The following ITPK1 variants were observed in gnomAD, a reference collection of about 807,000 sequenced individuals.
The protein encoded by ITPK1 is inositol-tetrakisphosphate 1-kinase.
In ITPK1, 21 loss-of-function variants were observed where a neutral mutation model predicts 45.3. The ratio of observed to expected loss-of-function variants is 0.46; its 90% CI spans 0.33 to 0.67. The LOEUF (loss-of-function observed/expected upper bound fraction) is 0.67, where lower values mean the gene tolerates loss of function less well. ITPK1 is among the 30% of genes least tolerant of loss of function. ITPK1 has a pLI of 0.02. For synonymous variants in ITPK1, 258 were observed against 253.6 expected, an observed-to-expected ratio of 1.02 and a Z score of -0.16; for missense variants, 474 against 573.5, an observed-to-expected ratio of 0.83 and a Z score of 1.77.
intron 7 of ITPK1, among the ~76,000 whole-genome samples, chr14:92,960,642 C>T (rs1010217198): frequency 9.2e-5 from 14 of 152,328 alleles, no homozygotes; most frequent in Admixed American, 6.5e-4. Context: ...CTGAGTTAGG[C>T]GGATCTACTC....
At chr14:92,988,536 A>G (rs1282440557) in intron 5 of ITPK1, among the ~76,000 whole-genome samples, 1 of 152,160 alleles carries the variant, frequency 6.6e-6, no homozygotes, top group African/African-American at 2.4e-5. Flanking sequence ...TGGCCATGCC[A>G]CCAGCACCAG....
rs1887287878 is a variant in ITPK1 at position 92,940,144 on chromosome 14, G to C, written c.*1417C>G. 1.0e-6 allele frequency: 1 copy of C among 985,726 alleles called. No individual in the cohort carries two copies. Among genetic ancestry groups the C allele is most frequent in the Non-Finnish European group, 1.2e-6 (1 of 830,114 alleles). The allele number at this position is 985,726 out of a possible 1,614,324, so 61.1% of individuals were successfully genotyped here. On this transcript the variant is annotated 3_prime_UTR_variant, in exon 11 of 11. Transcript: ENST00000267615. ...CTGAGCCAGGCCGAAGGACCTCCAT[G>C]CACTGGCTCGGGGGCCTCTCTCGGG... is the stretch of plus-strand genomic sequence containing the variant.
At chr14:92,943,931 G>A (rs1887557824) in intron 10 of ITPK1, among the ~76,000 whole-genome samples, 1 of 152,224 alleles carries the variant, frequency 6.6e-6, no homozygotes, top group Non-Finnish European at 1.5e-5. Flanking sequence ...TGGAAAGGCT[G>A]GGGCTGACAG....
chr14:93,028,235 C>T (rs537869550), intron 3 of ITPK1, among the ~76,000 whole-genome samples: 63 of 152,240 alleles, frequency 4.1e-4, no homozygotes, highest in Non-Finnish European at 5.3e-4. Flanking sequence ...ATGTGGCTGA[C>T]GAAAAAGACT....
intron 3 of ITPK1, among the ~76,000 whole-genome samples, chr14:93,075,326 C>CAAAAAAAAAAAAAAAAAAAAAA (rs58089863): frequency 5.6e-5 from 3 of 53,960 alleles, no homozygotes; most frequent in Admixed American, 3.5e-4. Flanking sequence ...GACTCCTTCT[C>CAAAAAAAAAAAAAAAAAAAAAA]AAAAAAAAAA....
intron 4 of ITPK1, among the ~76,000 whole-genome samples, chr14:92,995,948 C>T (rs1887033748): frequency 6.6e-6 from 1 of 152,250 alleles, no homozygotes; most frequent in Non-Finnish European, 1.5e-5. Context: ...GGGAGCTCTC[C>T]ATGGGCAACT....
intron 5 of ITPK1, among the ~76,000 whole-genome samples, chr14:92,977,324 G>A (rs1885997732): frequency 6.6e-6 from 1 of 152,236 alleles, no homozygotes; most frequent in Non-Finnish European, 1.5e-5. Flanking sequence ...GGAGGCAGGG[G>A]AGAAAGAAGA....
At chr14:92,979,781 AT>A (rs1248441510) in intron 5 of ITPK1, among the ~76,000 whole-genome samples, 1 of 151,316 alleles carries the variant, frequency 6.6e-6, no homozygotes, top group Non-Finnish European at 1.5e-5. Flanking sequence ...TAATTTCTTC[AT>A]AAATTACCCA....
At chr14:92,951,847 GC>G in intron 9 of ITPK1, 98 bp downstream of exon 9, 1 of 929,056 alleles carries the variant, frequency 1.1e-6, no homozygotes, top group Non-Finnish European at 1.7e-6. Context: ...ACCCTACCCT[GC>G]TGGAGAGCTT....
Position 92,941,369 on chromosome 14 carries a change from A to G in ITPK1, c.*192T>C. ...GGACGGCCCCACTCCCCAACGGTGGACCACCTGGTACTCTCTTCCATCCCC... is the reference window on the plus strand; with the variant it reads ...GGACGGCCCCACTCCCCAACGGTGGGCCACCTGGTACTCTCTTCCATCCCC... On this transcript the variant is annotated 3_prime_UTR_variant, in exon 11 of 11. Coordinates refer to ENST00000267615, the MANE Select transcript of ITPK1 (RefSeq NM_014216.6). The G allele has an allele frequency of 2.1e-6, 3 of 1,412,718 alleles. No individual in the cohort carries two copies. Among genetic ancestry groups the G allele is most frequent in the Non-Finnish European group, 2.7e-6 (3 of 1,091,124 alleles). 87.5% of individuals were successfully genotyped at this position (1,412,718 alleles called of 1,614,324 possible).
chr14:93,095,063 A>C (rs572276883), intron 2 of ITPK1, among the ~76,000 whole-genome samples: 3 of 152,270 alleles, frequency 2.0e-5, no homozygotes, highest in South Asian at 4.1e-4. Flanking sequence ...CCTCGAGCAG[A>C]GTTCATCTAA....
intron 3 of ITPK1, among the ~76,000 whole-genome samples, chr14:93,055,573 C>A (rs75456583): frequency 6.6e-6 from 1 of 152,144 alleles, no homozygotes; most frequent in Non-Finnish European, 1.5e-5. Flanking sequence ...TGCTGCCTGG[C>A]CCAGAACAGA....
Position 92,941,546 on chromosome 14 carries a change from G to A in ITPK1, c.*15C>T, listed in dbSNP as rs1887398535. On this transcript the variant is annotated 3_prime_UTR_variant, in exon 11 of 11. Coordinates refer to ENST00000267615, the MANE Select transcript of ITPK1 (RefSeq NM_014216.6). Reference sequence around the variant, plus strand: ...TCTGCGCCCTGCGCTGCCCCTCTGGGTCCCGGCTCCGTGGCTACTGGGAGG... The same window carrying A: ...TCTGCGCCCTGCGCTGCCCCTCTGGATCCCGGCTCCGTGGCTACTGGGAGG... 1 of 1,521,700 alleles carries A rather than the reference G, an allele frequency of 6.6e-7. No individual in the cohort carries two copies. 94.3% of individuals were successfully genotyped at this position (1,521,700 alleles called of 1,614,324 possible).
intron 3 of ITPK1, among the ~76,000 whole-genome samples, chr14:93,062,358 A>C (rs529763946): frequency 6.6e-5 from 10 of 152,224 alleles, no homozygotes; most frequent in Non-Finnish European, 1.2e-4. Context: ...TGAGCCCAGG[A>C]GTTCAAAGCT....
chr14:93,046,599 G>C (rs988860322), intron 3 of ITPK1, among the ~76,000 whole-genome samples: 2 of 149,372 alleles, frequency 1.3e-5, no homozygotes, highest in South Asian at 2.2e-4. Context: ...GGGGGCGGGG[G>C]GGGGCGGCGG....
rs148209899 is a variant in ITPK1 at position 93,016,283 on chromosome 14, A to G, written c.246+393T>C. Among the ~76,000 whole-genome samples, 2,207 of 152,260 alleles carry G rather than the reference A, an allele frequency of 0.014. 63 individuals carry two copies. The highest frequency in any genetic ancestry group is 0.05 in the African/African-American group (2,093 of 41,542). ...TCCACCAAGGCAGGACTCAGTTCAA[A>G]GGCCCTCGGGGGTCCCCTTTACCAA... On this transcript the variant is annotated intron_variant, in intron 4 of 10. Transcript: ENST00000267615. This position sits in a 1 kb window ranked among gnomAD's most constrained non-coding sequence, Gnocchi z 5.0.
At chr14:93,008,667 A>G (rs1236751966) in intron 4 of ITPK1, among the ~76,000 whole-genome samples, 1 of 152,172 alleles carries the variant, frequency 6.6e-6, no homozygotes. Context: ...TTGGCTGGTG[A>G]GGTGGCAATG....
At position 92,967,813 on chromosome 14, in the gene ITPK1, A is replaced by G. The variant is rs532087267; in HGVS notation, c.365-4964T>C. The stretch of plus-strand genomic sequence containing the variant: ...TGGAAGAAGCCAGACACAGAAGACC[A>G]CATACTGTAAGATTCCATTTATCTG... On this transcript the variant is annotated intron_variant, in intron 5 of 10. Coordinates refer to ENST00000267615, the MANE Select transcript of ITPK1 (RefSeq NM_014216.6). Among the ~76,000 whole-genome samples, 147 of 152,352 alleles carry G rather than the reference A, an allele frequency of 9.6e-4. 1 individual carries two copies. The highest frequency in any genetic ancestry group is 1.8e-3 in the Non-Finnish European group (121 of 68,022).
chr14:93,090,188 C>T lies in ITPK1; in HGVS notation c.96-13569G>A, dbSNP rs567901776. Among the ~76,000 whole-genome samples, 132 of 152,190 alleles carry T rather than the reference C, an allele frequency of 8.7e-4. 1 individual carries two copies. Among genetic ancestry groups the T allele is most frequent in the African/African-American group, 2.1e-3 (88 of 41,516 alleles). On this transcript the variant is annotated intron_variant, in intron 2 of 10. Transcript: ENST00000267615. ...ACACCTCCTCACCCAGCAAGTCTCGCCCCATCTGTTCCTAGCACACCGGGC... is the reference window on the plus strand; with the variant it reads ...ACACCTCCTCACCCAGCAAGTCTCGTCCCATCTGTTCCTAGCACACCGGGC...
Sources: allele counts gnomAD v4.1 joint callset (sites outside exome capture counted in the v4.1 genomes callset), GRCh38; gene constraint gnomAD v4.1.1; non-coding constraint Gnocchi (gnomAD v3.1); transcripts MANE v1.5; gene names NCBI Gene and HGNC (gene_info 2026-07-23, HGNC 2026-07-21).